Variants in NRP2 observed in about 807,000 individuals in gnomAD.
The protein encoded by NRP2 is neuropilin 2, also known as neuropilin-2.
Under a neutral mutation model 110.4 loss-of-function variants are expected in NRP2, and 52 were observed. The observed-to-expected ratio is 0.47, with a 90% confidence interval of 0.38 to 0.59. NRP2 has a LOEUF of 0.59. Ranked by LOEUF, NRP2 falls within the 20% of genes least tolerant of loss-of-function variation. NRP2 has a pLI of 0.00. For synonymous variants in NRP2, 508 were observed against 468.9 expected (o/e 1.08, Z -1.08); for missense variants, 1,049 against 1,203.0 (o/e 0.87, Z 1.89).
intron 1 of NRP2, among the ~76,000 whole-genome samples, chr2:205,689,980 G>A (rs762795150): frequency 3.9e-5 from 6 of 152,086 alleles, no homozygotes; most frequent in Non-Finnish European, 5.9e-5. Context: ...AAAAAGGAGG[G>A]GCTGGGAATA....
intron 15 of NRP2, among the ~76,000 whole-genome samples, chr2:205,788,259 T>A (rs2058257845): frequency 6.6e-6 from 1 of 151,722 alleles, no homozygotes. Flanking sequence ...ATGACCAGAG[T>A]TTTGTGAAGT....
rs560151146 is a variant in NRP2, at chr2:205,784,407, A to C, written c.2426-7828A>C. 5.3e-5 allele frequency among the ~76,000 whole-genome samples: 8 copies of C among 152,326 alleles called. No individual in the cohort carries two copies. In the East Asian group the frequency reaches 1.2e-3, roughly 22 times the overall value. Reference sequence around the variant, plus strand: ...CTGCGAGAACAGGCATGAGGATTTCAGGGGCTGGTGTGGGCCTCCCCATGG... The same window carrying C: ...CTGCGAGAACAGGCATGAGGATTTCCGGGGCTGGTGTGGGCCTCCCCATGG... On this transcript the variant is annotated intron_variant, in intron 15 of 16. Transcript: ENST00000357785.
intron 12 of NRP2, among the ~76,000 whole-genome samples, chr2:205,757,276 GT>G (rs2057749294): frequency 6.6e-6 from 1 of 152,212 alleles, no homozygotes; most frequent in South Asian, 2.1e-4. Flanking sequence ...GAATCTTAAT[GT>G]TATAAAATAC....
intron 7 of NRP2, among the ~76,000 whole-genome samples, chr2:205,734,515 C>G (rs1401440023): frequency 3.3e-5 from 5 of 151,780 alleles, no homozygotes. Context: ...CGTGTAGACC[C>G]AATGGCTGGT....
intron 13 of NRP2, among the ~76,000 whole-genome samples, chr2:205,765,134 C>G (rs769116899): frequency 5.9e-5 from 9 of 152,130 alleles, no homozygotes; most frequent in Non-Finnish European, 1.0e-4. Context: ...GAGACAGGAA[C>G]CTCGAAAATA....
At position 205,756,253 on chromosome 2, in the gene NRP2, G is replaced by A. The variant is rs76224522; in HGVS notation, c.2044+3278G>A. ...AAATTCAGTGACCCCTGCTAGCTGC[G>A]GAGGAACACTCAGTGTTCTCTAAGA... On this transcript the variant is annotated intron_variant, in intron 12 of 16. Transcript: ENST00000357785. Among the ~76,000 whole-genome samples, 516 of 152,200 alleles carry A rather than the reference G, an allele frequency of 3.4e-3. 5 individuals are homozygous for A. Among genetic ancestry groups the A allele is most frequent in the African/African-American group, 0.011 (464 of 41,524 alleles).
At chr2:205,755,675 G>A (rs2057722435) in intron 12 of NRP2, among the ~76,000 whole-genome samples, 1 of 152,038 alleles carries the variant, frequency 6.6e-6, no homozygotes, top group Non-Finnish European at 1.5e-5. Flanking sequence ...TGGCTTGGTT[G>A]GGGGCAGAGC....
intron 1 of NRP2, among the ~76,000 whole-genome samples, chr2:205,687,612 G>A (rs2056203489): frequency 6.6e-6 from 1 of 152,162 alleles, no homozygotes; most frequent in South Asian, 2.1e-4. Flanking sequence ...ATCAGGTTTG[G>A]AGTTTTATGT....
intron 15 of NRP2, chr2:205,776,810 T>A: frequency 3.7e-6 from 5 of 1,334,224 alleles, no homozygotes; most frequent in Non-Finnish European, 3.9e-6. Flanking sequence ...ACTCCACAAC[T>A]CAAGGCTCAG....
At chr2:205,778,105 G>A (rs953985879) in intron 15 of NRP2, 1 of 152,164 alleles carries the variant, frequency 6.6e-6, no homozygotes, top group Admixed American at 6.5e-5. Flanking sequence ...AGCCTCGGGA[G>A]CATTTATTTT....
intron 15 of NRP2, among the ~76,000 whole-genome samples, chr2:205,790,919 A>G (rs1354624455): frequency 1.3e-5 from 2 of 152,218 alleles, no homozygotes; most frequent in East Asian, 1.9e-4. Flanking sequence ...TGTGGCATCA[A>G]TCTTTTAAGT....
intron 8 of NRP2, among the ~76,000 whole-genome samples, chr2:205,741,953 G>A (rs1464420934): frequency 2.0e-5 from 3 of 152,178 alleles, no homozygotes; most frequent in Admixed American, 6.5e-5. Flanking sequence ...CTGAACCCAC[G>A]TTTTCTCAAT....
chr2:205,689,077 A>G (rs1289982549), intron 1 of NRP2, among the ~76,000 whole-genome samples: 2 of 152,190 alleles, frequency 1.3e-5, no homozygotes, highest in Non-Finnish European at 2.9e-5. Context: ...CACATCTCTC[A>G]TTGTTCACAC....
At chr2:205,740,008 T>TA in intron 7 of NRP2, 1 of 250,668 alleles carries the variant, frequency 4.0e-6, no homozygotes. Flanking sequence ...GTGCCCCTCA[T>TA]CATCTTGTCC....
chr2:205,772,558 G>A (rs1010024860), intron 15 of NRP2, among the ~76,000 whole-genome samples: 1 of 152,118 alleles, frequency 6.6e-6, no homozygotes, highest in Non-Finnish European at 1.5e-5. Context: ...GAGAATCTGG[G>A]GTGGGAATTA....
At chr2:205,704,676 G>A (rs910213051) in intron 2 of NRP2, among the ~76,000 whole-genome samples, 3 of 152,198 alleles carry the variant, frequency 2.0e-5, no homozygotes, top group African/African-American at 4.8e-5. Context: ...GAATTACTTT[G>A]GGCAGTTTGT....
chr2:205,745,812 T>C lies in NRP2; in HGVS notation c.1708T>C (p.Tyr570His), dbSNP rs751951792. Reference sequence around the variant, plus strand: ...AAGGTTTGACCCCATTCCGGCACAGTATGTGCGGGTATACCCGGAGAGGTG... The same window carrying C: ...AAGGTTTGACCCCATTCCGGCACAGCATGTGCGGGTATACCCGGAGAGGTG... ...IRRFDPIPAQ[Y>H]VRVYPERWSP... is the part of the protein sequence containing the mutation. The change falls in exon 10 of 17, where the codon TAT (tyrosine) becomes CAT (histidine). Residue 570 changes from tyrosine (Y) to histidine (H), a missense_variant. By Grantham distance (83) the Tyr-to-His change is moderately conservative. Transcript: ENST00000357785. 3.7e-6 allele frequency: 6 copies of C among 1,613,726 alleles called. No individual in the cohort carries two copies. The highest frequency in any genetic ancestry group is 1.6e-4 in the Middle Eastern group (1 of 6,084).
At chr2:205,696,928 G>A (rs552658713) in intron 1 of NRP2, among the ~76,000 whole-genome samples, 1 of 152,080 alleles carries the variant, frequency 6.6e-6, no homozygotes, top group African/African-American at 2.4e-5. Context: ...TGTTTGGGGG[G>A]TTTGCATTTT....
chr2:205,743,313 G>C lies in NRP2; in HGVS notation c.1402G>C (p.Val468Leu), dbSNP rs1193624926. 1 of 1,614,180 alleles carries C rather than the reference G, an allele frequency of 6.2e-7. No individual in the cohort carries two copies. Among genetic ancestry groups the C allele is most frequent in the Admixed American group, 1.7e-5 (1 of 60,028 alleles). Residue 468 changes from valine (V) to leucine (L), a missense_variant, in exon 9 of 17, where the codon GTT becomes CTT. By Grantham distance (32) the Val-to-Leu change is conservative (BLOSUM62 1). Transcript: ENST00000357785. Reference sequence around the variant, plus strand: ...CTGGAGCCCCAGTGCAGCCCGCCTGGTTAGCAGCCGCTCGGGCTGGTTCCC... The same window carrying C: ...CTGGAGCCCCAGTGCAGCCCGCCTGCTTAGCAGCCGCTCGGGCTGGTTCCC... Reference protein sequence around the residue: ...YLWSPSAARLVSSRSGWFPRI... With the variant: ...YLWSPSAARLLSSRSGWFPRI...
Sources: gnomAD v4.1 joint callset for allele counts (sites outside exome capture counted in the v4.1 genomes callset) on GRCh38, gnomAD v4.1.1 for gene constraint, MANE v1.5 for transcripts, NCBI Gene and HGNC (gene_info 2026-07-23, HGNC 2026-07-21) for gene names.